MED13L: variants seen among roughly 807,000 people sequenced by gnomAD.
MED13L encodes mediator complex subunit 13L, also known as mediator of RNA polymerase II transcription subunit 13-like.
A neutral mutation model predicts 220.9 loss-of-function variants in MED13L; 7 were observed. The ratio of observed to expected loss-of-function variants is 0.03; its 90% confidence interval spans 0.02 to 0.06. The LOEUF (loss-of-function observed/expected upper bound fraction) is 0.06. MED13L is among the 10% of genes least tolerant of loss of function. The pLI, the probability that MED13L is intolerant of heterozygous loss-of-function variation, is 1.00. For missense variants in MED13L, 1,965 were observed against 2,760.5 expected (o/e 0.71, Z 6.46); for synonymous variants, 1,011 against 1,015.2 (o/e 1.00, Z 0.08).
At chr12:116,038,506 C>T (rs1881321480) in intron 4 of MED13L, among the ~76,000 whole-genome samples, 1 of 151,896 alleles carries the variant, frequency 6.6e-6, no homozygotes, top group South Asian at 2.1e-4. Flanking sequence ...CAAAAACATC[C>T]AACCATTATG....
At chr12:116,025,066 C>T (rs185230997) in intron 4 of MED13L, among the ~76,000 whole-genome samples, 1 of 152,152 alleles carries the variant, frequency 6.6e-6, no homozygotes, top group Admixed American at 6.5e-5. Flanking sequence ...TGTGATGTAT[C>T]CCCCCACCAC....
intron 4 of MED13L, among the ~76,000 whole-genome samples, chr12:116,072,117 C>G (rs1308040338): frequency 1.3e-5 from 2 of 152,160 alleles, no homozygotes; most frequent in East Asian, 1.9e-4. Flanking sequence ...AATAGGAAAC[C>G]TGGCACTACA....
Position 115,980,953 on chromosome 12 carries a change from A to C in MED13L, c.5176-15T>G. 2.5e-6 allele frequency: 4 copies of C among 1,603,864 alleles called. No individual in the cohort carries two copies. The highest frequency in any genetic ancestry group is 3.4e-6 in the Non-Finnish European group (4 of 1,178,370). ...CAAGGCACAATCTAAAGACACAAAT[A>C]CAAAAAAAAAACAAAAACCAAAAAC... On this transcript the variant is annotated splice_polypyrimidine_tract_variant and intron_variant, in intron 22 of 30. Coordinates refer to ENST00000281928, the MANE Select transcript of MED13L (RefSeq NM_015335.5).
At position 116,007,482 on chromosome 12, in the gene MED13L, T is replaced by C. The variant is rs774182567; in HGVS notation, c.2167A>G (p.Ile723Val). Residue 723 changes from isoleucine (I) to valine (V), a missense_variant, in exon 11 of 31, where the codon ATA becomes GTA. By Grantham distance (29) the Ile-to-Val change is conservative. Around this residue, in one of 10 missense-constraint regions of MED13L, gnomAD observed 818 missense variants for 1,041.2 expected, o/e 0.79. Coordinates refer to ENST00000281928, the MANE Select transcript of MED13L (RefSeq NM_015335.5). The stretch of plus-strand genomic sequence containing the variant: ...TTGTTGGCTGTAAAGATGTATTTTA[T>C]GTCACCATCTTCAAAGGTATATGGG... Reference protein sequence around the residue: ...NDPYTFEDGDIKYIFTANKKC... With the variant: ...NDPYTFEDGDVKYIFTANKKC... The C allele has an allele frequency of 6.2e-7, 1 of 1,613,998 alleles. No individual in the cohort carries two copies. Among genetic ancestry groups the C allele is most frequent in the East Asian group, 2.2e-5 (1 of 44,866 alleles).
At chr12:116,188,775 G>A (rs150993455) in intron 2 of MED13L, among the ~76,000 whole-genome samples, 7 of 152,012 alleles carry the variant, frequency 4.6e-5, no homozygotes, top group African/African-American at 1.7e-4. Flanking sequence ...TACTAATTTT[G>A]CTGTATCTTT....
chr12:116,006,072 A>G, intron 12 of MED13L, 79 bp from the exon 13 acceptor site: 1 of 1,574,730 alleles, frequency 6.4e-7, no homozygotes, highest in Middle Eastern at 1.9e-4. Flanking sequence ...ACGGATCTCA[A>G]TGAACATGAC....
At chr12:116,252,958 T>C (rs1194682951) in intron 1 of MED13L, among the ~76,000 whole-genome samples, 5 of 152,106 alleles carry the variant, frequency 3.3e-5, no homozygotes, top group Non-Finnish European at 7.3e-5. Flanking sequence ...TGAACAACTC[T>C]ATATCTATTA....
intron 2 of MED13L, among the ~76,000 whole-genome samples, chr12:116,235,213 C>A (rs1178794598): frequency 1.3e-5 from 2 of 152,158 alleles, no homozygotes; most frequent in Non-Finnish European, 2.9e-5. Flanking sequence ...CTTTTACCTA[C>A]AAAAATGGAC....
At chr12:116,248,389 A>G (rs1871253712) in intron 1 of MED13L, among the ~76,000 whole-genome samples, 1 of 152,170 alleles carries the variant, frequency 6.6e-6, no homozygotes, top group Non-Finnish European at 1.5e-5. Flanking sequence ...CTGAGAGTTA[A>G]TCATAGATAT....
In MED13L at chr12:116,019,388, G is replaced by A. The variant is rs1417165142; in HGVS notation, c.845C>T (p.Ser282Leu). 2.5e-6 allele frequency: 4 copies of A among 1,613,830 alleles called. No homozygotes were observed. Among genetic ancestry groups the A allele is most frequent in the Non-Finnish European group, 3.4e-6 (4 of 1,179,914 alleles). Residue 282 changes from serine to leucine, a missense_variant, in exon 7 of 31, where the codon TCA becomes TTA. Ser to Leu is a moderately radical substitution (Grantham distance 145). This residue lies in a region of MED13L where 818 missense variants were observed against 1,041.2 expected (regional missense o/e 0.79). Coordinates refer to ENST00000281928, the MANE Select transcript of MED13L (RefSeq NM_015335.5). ...IVGGVRMVYP[S>L]AFVLISQNDI... The stretch of plus-strand genomic sequence containing the variant: ...ATTCTGAGAGATCAAAACAAATGCT[G>A]AAGGGTAAACCATCCGAACACCACC...
chr12:116,047,446 T>C (rs1881907339), intron 4 of MED13L, among the ~76,000 whole-genome samples: 1 of 152,238 alleles, frequency 6.6e-6, no homozygotes, highest in Admixed American at 6.5e-5. Context: ...AGAAACACCA[T>C]TTCTTTCATT....
chr12:116,008,797 T>C lies in MED13L; in HGVS notation c.1616A>G (p.Gln539Arg). ...MAVPSRNTSKQMNLNPMDSPH... is the reference protein window; with the variant it reads ...MAVPSRNTSKRMNLNPMDSPH... ...TGAATCCATAGGATTCAGATTCATT[T>C]GCTTGCTTGTATTTCTGGAAGGCAC... Residue 539 changes from glutamine (Q) to arginine (R), a missense_variant, in exon 10 of 31, where the codon CAA becomes CGA. Gln to Arg is a conservative substitution (Grantham distance 43). Transcript: ENST00000281928. 1 of 1,614,060 alleles carries C rather than the reference T, an allele frequency of 6.2e-7. No individual in the cohort carries two copies. Among genetic ancestry groups the C allele is most frequent in the Non-Finnish European group, 8.5e-7 (1 of 1,180,012 alleles).
At chr12:116,256,824 T>C (rs929991496) in intron 1 of MED13L, among the ~76,000 whole-genome samples, 2 of 151,458 alleles carry the variant, frequency 1.3e-5, no homozygotes, top group African/African-American at 4.9e-5. Flanking sequence ...TAGCTGGGAC[T>C]ACAGACGTGC....
chr12:116,140,416 T>C (rs1876965449), intron 2 of MED13L, among the ~76,000 whole-genome samples: 1 of 152,234 alleles, frequency 6.6e-6, no homozygotes, highest in Admixed American at 6.5e-5. Flanking sequence ...TGTTACTGTT[T>C]GTTCTAGCAG....
At chr12:116,064,281 G>A (rs1311921939) in intron 4 of MED13L, among the ~76,000 whole-genome samples, 1 of 152,010 alleles carries the variant, frequency 6.6e-6, no homozygotes, top group Non-Finnish European at 1.5e-5. Context: ...ATACAATGTA[G>A]ATGCTATGTA....
chr12:116,253,763 T>G (rs994985501), intron 1 of MED13L, among the ~76,000 whole-genome samples: 37 of 138,274 alleles, frequency 2.7e-4, no homozygotes, highest in South Asian at 1.2e-3. Flanking sequence ...GTTTTTTTTT[T>G]TTTTTTTTTT....
intron 7 of MED13L, among the ~76,000 whole-genome samples, chr12:116,017,654 C>T (rs1165436352): frequency 6.6e-6 from 1 of 152,174 alleles, no homozygotes; most frequent in African/African-American, 2.4e-5. Flanking sequence ...CTAGCTCCGT[C>T]GACCATGGTG....
At chr12:116,159,501 A>C (rs898827669) in intron 2 of MED13L, among the ~76,000 whole-genome samples, 5 of 152,192 alleles carry the variant, frequency 3.3e-5, no homozygotes, top group Non-Finnish European at 7.4e-5. Flanking sequence ...GTGAGCAGGT[A>C]ATTAAAAGAA....
chr12:116,025,677 GATATC>G (rs1326427346), intron 4 of MED13L, among the ~76,000 whole-genome samples: 2 of 152,262 alleles, frequency 1.3e-5, no homozygotes, highest in Admixed American at 6.5e-5. Context: ...TAAAAAACCT[GATATC>G]ATATAAGTAG....
Sources: allele counts gnomAD v4.1 joint callset (sites outside exome capture counted in the v4.1 genomes callset), GRCh38; gene constraint gnomAD v4.1.1; regional missense constraint gnomAD v4.1.1; transcripts MANE v1.5; gene names NCBI Gene and HGNC (gene_info 2026-07-23, HGNC 2026-07-21).